Variants in KIR3DL3 observed in about 807,000 individuals in gnomAD.
KIR3DL3 encodes the protein killer cell immunoglobulin-like receptor 3DL3.
A neutral mutation model predicts 34.9 loss-of-function variants in KIR3DL3; 27 were observed. The ratio of observed to expected loss-of-function variants is 0.77; its 90% confidence interval spans 0.57 to 1.07. The LOEUF (loss-of-function observed/expected upper bound fraction) is 1.07, where lower values mean the gene tolerates loss of function less well. Ranked by LOEUF, KIR3DL3 falls within the 50% of genes least tolerant of loss-of-function variation. KIR3DL3 has a pLI of 0.00. For synonymous variants in KIR3DL3, 217 were observed against 200.2 expected, an observed-to-expected ratio of 1.08 and a Z score of -0.71; for missense variants, 681 against 528.5, an observed-to-expected ratio of 1.29 and a Z score of -2.83.
At chr19:54,724,788 A>ATGGGCCTGGAGTGGAGATG (rs2067960448) in intron 1 of KIR3DL3, among the ~76,000 whole-genome samples, 6 of 128,352 alleles carry the variant, frequency 4.7e-5, no homozygotes, top group Non-Finnish European at 9.9e-5. Flanking sequence ...GAGTGGAGAT[A>ATGGGCCTGGAGTGGAGATG]TTGGCTTGGA....
In KIR3DL3 at chr19:54,735,870, G is replaced by T. The variant is rs1387154669; in HGVS notation, c.1105G>T (p.Glu369Ter). Residue 369 changes from glutamate to a stop codon, truncating the protein, a stop_gained and splice_region_variant, in exon 7 of 8, where the codon GAG becomes TAG. Coordinates refer to ENST00000291860, the MANE Select transcript of KIR3DL3 (RefSeq NM_153443.5). LOFTEE classifies it low-confidence loss of function (END_TRUNC). ...TGCAGGGAACAGAACAGTGAACAGG[G>T]AGGTAGGTGCTCCTCCGCCCAGCCT... ...EPAGNRTVNR[E>*]DSDEQDPQEV... 6.2e-7 allele frequency: 1 copy of T among 1,606,940 alleles called. No individual in the cohort carries two copies. Among genetic ancestry groups the T allele is most frequent in the Non-Finnish European group, 8.5e-7 (1 of 1,177,982 alleles).
rs1387982652 is a variant in KIR3DL3, at chr19:54,730,399, C to A, written c.949+613C>A. On this transcript the variant is annotated intron_variant, in intron 5 of 7. Coordinates refer to ENST00000291860, the MANE Select transcript of KIR3DL3 (RefSeq NM_153443.5). ...GGAAAATCCATCTGTACTAAAAATA[C>A]AAAATAATAATTATAATGATAATAA... is the stretch of plus-strand genomic sequence containing the variant. Among the ~76,000 whole-genome samples, 236 of 149,304 alleles carry A rather than the reference C, an allele frequency of 1.6e-3. 1 individual carries two copies. The highest frequency in any genetic ancestry group is 5.3e-3 in the African/African-American group (216 of 40,478).
At position 54,731,152 on chromosome 19, in the gene KIR3DL3, C is replaced by A. The variant is rs200351441; in HGVS notation, c.949+1366C>A. 3.1e-3 allele frequency among the ~76,000 whole-genome samples: 473 copies of A among 151,840 alleles called. 9 individuals are homozygous for A. The highest frequency in any genetic ancestry group is 0.027 in the Admixed American group (405 of 15,234). ...CTCCCAAGTAGCTGGGTTACTGGCT[C>A]CCACCACCACACTCGGCTAATTTTT... is the stretch of plus-strand genomic sequence containing the variant. On this transcript the variant is annotated intron_variant, in intron 5 of 7. Transcript: ENST00000291860.
At chr19:54,733,100 G>T (rs1157099688) in intron 5 of KIR3DL3, among the ~76,000 whole-genome samples, 1 of 152,014 alleles carries the variant, frequency 6.6e-6, no homozygotes, top group Non-Finnish European at 1.5e-5. Flanking sequence ...GGCTTGCTGG[G>T]TTTGATTTTT....
intron 2 of KIR3DL3, 87 bp downstream of exon 2, chr19:54,725,369 A>T: frequency 1.0e-6 from 1 of 1,000,872 alleles, no homozygotes; most frequent in South Asian, 2.3e-5. Flanking sequence ...CAGGGGGTTG[A>T]CTGATGGGCT....
At position 54,735,972 on chromosome 19, in the gene KIR3DL3, A is replaced by G; in HGVS notation, c.1109A>G (p.Asp370Gly). 1 of 1,612,460 alleles carries G rather than the reference A, an allele frequency of 6.2e-7. No individual in the cohort carries two copies. Among genetic ancestry groups the G allele is most frequent in the Non-Finnish European group, 8.5e-7 (1 of 1,179,718 alleles). Reference sequence around the variant, plus strand: ...CACTCAGCATTTCCCTCCCTCCAGGACTCTGATGAACAAGACCCTCAGGAG... The same window carrying G: ...CACTCAGCATTTCCCTCCCTCCAGGGCTCTGATGAACAAGACCCTCAGGAG... ...PAGNRTVNRE[D>G]SDEQDPQEVT... The change falls in exon 8 of 8, where the codon GAC becomes GGC. Residue 370 changes from aspartate to glycine, a missense_variant and splice_region_variant. By Grantham distance (94) the Asp-to-Gly change is moderately conservative. Transcript: ENST00000291860.
At chr19:54,733,829 A>G (rs1215249577) in intron 5 of KIR3DL3, among the ~76,000 whole-genome samples, 1 of 152,156 alleles carries the variant, frequency 6.6e-6, no homozygotes, top group Non-Finnish European at 1.5e-5. Context: ...ACCTATGGAG[A>G]TACAGATAGA....
At chr19:54,729,901 G>A (rs1429006270) in intron 5 of KIR3DL3, 115 bp downstream of exon 5, 2 of 923,026 alleles carry the variant, frequency 2.2e-6, no homozygotes, top group East Asian at 3.5e-5. Context: ...CACACAGCAT[G>A]GGTGTAAGGG....
At position 54,735,808 on chromosome 19, in the gene KIR3DL3, C is replaced by A. The variant is rs199782955; in HGVS notation, c.1055-12C>A. 1.2e-6 allele frequency: 2 copies of A among 1,607,598 alleles called. No individual in the cohort carries two copies. Among genetic ancestry groups the A allele is most frequent in the African/African-American group, 2.7e-5 (2 of 72,846 alleles). ...CCCTCCGAGCTGTTTTGACGACTTC[C>A]GTCTTCTACAGATGCTGTTGTAATG... On this transcript the variant is annotated splice_polypyrimidine_tract_variant and intron_variant, in intron 6 of 7. Transcript: ENST00000291860.
At chr19:54,725,698 C>T (rs1356237180) in intron 2 of KIR3DL3, among the ~76,000 whole-genome samples, 6 of 152,292 alleles carry the variant, frequency 3.9e-5, no homozygotes, top group Admixed American at 3.9e-4. Context: ...GGGGGAACCA[C>T]AGTCATGACC....
intron 3 of KIR3DL3, 82 bp from the exon 4 acceptor site, chr19:54,727,529 A>T (rs1368157025): frequency 6.9e-6 from 9 of 1,311,452 alleles, no homozygotes; most frequent in Non-Finnish European, 8.4e-6. Context: ...GACACCATGG[A>T]GGGGAAGCCT....
chr19:54,736,528 T>TTTCCTCATGTTGTTCCACC lies in KIR3DL3; in HGVS notation c.*439_*440insTGTTGTTCCACCTTCCTCA. The TTTCCTCATGTTGTTCCACC allele has an allele frequency of 5.2e-6, 1 of 191,234 alleles. No individual in the cohort carries two copies. The highest frequency in any genetic ancestry group is 1.0e-5 in the Non-Finnish European group (1 of 97,562). 11.8% of individuals were successfully genotyped at this position (191,234 alleles called of 1,614,324 possible). A position where few individuals can be genotyped will look rare whatever the true frequency, so the allele number is the denominator to read the frequency against. Reference sequence around the variant, plus strand: ...GCACTTAGATACGTGCTATTCCACCTTTCCTCAGAGTATCTTTCAGCCTTC... The same window carrying TTTCCTCATGTTGTTCCACC: ...GCACTTAGATACGTGCTATTCCACCTTTCCTCATGTTGTTCCACCTTCCTCAGAGTATCTTTCAGCCTTC... On this transcript the variant is annotated 3_prime_UTR_variant, in exon 8 of 8. Coordinates refer to ENST00000291860, the MANE Select transcript of KIR3DL3 (RefSeq NM_153443.5).
chr19:54,736,236 T>A lies in KIR3DL3; in HGVS notation c.*140T>A, dbSNP rs1299236708. On this transcript the variant is annotated 3_prime_UTR_variant, in exon 8 of 8. Transcript: ENST00000291860. ...TTGCCAGCTCCCATGTACCAGCAGC[T>A]GGACTCTGAAGGCGTGAGTCTGCAT... is the stretch of plus-strand genomic sequence containing the variant. The A allele has an allele frequency of 8.7e-7, 1 of 1,153,416 alleles. No individual in the cohort carries two copies. 71.4% of individuals were successfully genotyped at this position (1,153,416 alleles called of 1,614,324 possible).
intron 4 of KIR3DL3, among the ~76,000 whole-genome samples, chr19:54,728,843 T>C (rs2068477782): frequency 6.8e-6 from 1 of 147,692 alleles, no homozygotes; most frequent in Non-Finnish European, 1.5e-5. Flanking sequence ...AGATGATAGA[T>C]GGACAGATAG....
chr19:54,735,402 G>C (rs1568868100), intron 6 of KIR3DL3, 45 bp downstream of exon 6: 1 of 939,462 alleles, frequency 1.1e-6, no homozygotes, highest in Non-Finnish European at 1.7e-6. Context: ...GGCCATGTGG[G>C]GAAGCAGGAT....
At chr19:54,733,953 C>T (rs1337335252) in intron 5 of KIR3DL3, among the ~76,000 whole-genome samples, 3 of 152,106 alleles carry the variant, frequency 2.0e-5, no homozygotes, top group Non-Finnish European at 4.4e-5. Flanking sequence ...GAAGGACAGG[C>T]TGTATTGAAA....
chr19:54,734,683 C>CTA, intron 5 of KIR3DL3, among the ~76,000 whole-genome samples: 1 of 136,974 alleles, frequency 7.3e-6, no homozygotes. Context: ...CTTCTAAAGA[C>CTA]AAGAAATGTG....
rs549823982 is a variant in KIR3DL3, at chr19:54,735,869, G to A, written c.1104G>A (p.Arg368=). Residue 368 remains arginine, a synonymous_variant, in exon 7 of 8, where the codon AGG becomes AGA. Transcript: ENST00000291860. ...QEPAGNRTVN[R]EDSDEQDPQE... ...CTGCAGGGAACAGAACAGTGAACAGGGAGGTAGGTGCTCCTCCGCCCAGCC... is the reference window on the plus strand; with the variant it reads ...CTGCAGGGAACAGAACAGTGAACAGAGAGGTAGGTGCTCCTCCGCCCAGCC... 17 of 1,606,300 alleles carry A rather than the reference G, an allele frequency of 1.1e-5. No homozygotes were observed. The highest frequency in any genetic ancestry group is 8.3e-5 in the African/African-American group (6 of 72,424).
intron 6 of KIR3DL3, 72 bp downstream of exon 6, chr19:54,735,429 G>A: frequency 2.6e-6 from 2 of 759,218 alleles, no homozygotes; most frequent in Non-Finnish European, 4.6e-6. Flanking sequence ...ACTCAGGTGT[G>A]TGTTCCTCAC....
Sources: allele counts gnomAD v4.1 joint callset (sites outside exome capture counted in the v4.1 genomes callset), GRCh38; gene constraint gnomAD v4.1.1; transcripts MANE v1.5; gene names NCBI Gene and HGNC (gene_info 2026-07-23, HGNC 2026-07-21).